The following SLC2A9 variants were observed in gnomAD, a reference collection of about 807,000 sequenced individuals.
SLC2A9 encodes solute carrier family 2 member 9, also known as solute carrier family 2, facilitated glucose transporter member 9.
A neutral mutation model predicts 50.6 loss-of-function variants in SLC2A9; 39 were observed. The observed-to-expected ratio is 0.77, with a 90% CI of 0.60 to 1.01. The LOEUF is 1.01. SLC2A9 is among the 50% of genes least tolerant of loss of function. The pLI, the probability that SLC2A9 is intolerant of heterozygous loss-of-function variation, is 0.00. For missense variants in SLC2A9, 686 were observed against 677.6 expected, an observed-to-expected ratio of 1.01 and a Z score of -0.14; for synonymous variants, 324 against 276.9, an observed-to-expected ratio of 1.17 and a Z score of -1.69.
intron 10 of SLC2A9, among the ~76,000 whole-genome samples, chr4:9,835,540 G>GATCT (rs1239585960): frequency 6.6e-6 from 1 of 152,254 alleles, no homozygotes; most frequent in Non-Finnish European, 1.5e-5. Flanking sequence ...AAACTCTAGA[G>GATCT]AGACAGTGAA....
chr4:9,812,497 T>A (rs1311812165), intron 3 of SLC2A9, among the ~76,000 whole-genome samples: 3 of 149,076 alleles, frequency 2.0e-5, no homozygotes, highest in African/African-American at 7.5e-5. Flanking sequence ...ATAAACATGT[T>A]TTTTTTTTTT....
intron 10 of SLC2A9, among the ~76,000 whole-genome samples, chr4:9,855,598 A>C (rs573222267): frequency 6.6e-6 from 1 of 152,330 alleles, no homozygotes; most frequent in South Asian, 2.1e-4. Context: ...CATCCTTCAC[A>C]GAATTAGAAA....
intron 3 of SLC2A9, among the ~76,000 whole-genome samples, chr4:9,803,869 G>A (rs1015914362): frequency 6.6e-6 from 1 of 152,102 alleles, no homozygotes; most frequent in Non-Finnish European, 1.5e-5. Context: ...ATGTGCTAGG[G>A]GATATGTTAG....
chr4:9,959,783 G>A (rs1751957189), intron 5 of SLC2A9, among the ~76,000 whole-genome samples: 1 of 152,152 alleles, frequency 6.6e-6, no homozygotes, highest in Admixed American at 6.5e-5. Context: ...GTTTTTGGTA[G>A]TGAATCCCTG....
At chr4:9,953,920 C>T (rs1364129945) in intron 5 of SLC2A9, among the ~76,000 whole-genome samples, 1 of 152,206 alleles carries the variant, frequency 6.6e-6, no homozygotes, top group African/African-American at 2.4e-5. Flanking sequence ...AGCAATTCTC[C>T]TGCCTCAGCC....
chr4:9,867,581 T>C (rs544194430), intron 10 of SLC2A9, among the ~76,000 whole-genome samples: 1 of 152,320 alleles, frequency 6.6e-6, no homozygotes, highest in African/African-American at 2.4e-5. Flanking sequence ...AAGATTTCTG[T>C]AGAGATAGAC....
At chr4:10,035,766 T>C (rs4525975) in intron 1 of SLC2A9, 135,154 of 152,194 alleles carry the variant, frequency 0.89, 60,303 homozygotes, top group East Asian at 0.98. Flanking sequence ...AAAAAAGGCA[T>C]TTCTTTTGTT....
chr4:9,962,640 T>C (rs1048278446), intron 5 of SLC2A9, among the ~76,000 whole-genome samples: 6 of 152,176 alleles, frequency 3.9e-5, no homozygotes, highest in South Asian at 2.1e-4. Flanking sequence ...AATGGGTCAA[T>C]AGGTGCAGCA....
At chr4:9,908,883 G>A (rs1185995893) in intron 7 of SLC2A9, among the ~76,000 whole-genome samples, 2 of 152,142 alleles carry the variant, frequency 1.3e-5, no homozygotes, top group Admixed American at 1.3e-4. Context: ...TCATCAAGGA[G>A]GTCTGCTTCC....
Position 9,782,632 on chromosome 4 carries a change from G to A in SLC2A9, n.386-2567C>T, listed in dbSNP as rs746077383. 8 of 1,614,000 alleles carry A rather than the reference G, an allele frequency of 5.0e-6. No homozygotes were observed. The Admixed American group carries it at 1.3e-4, about 27-fold the overall frequency. On this transcript the variant is annotated intron_variant and non_coding_transcript_variant, in intron 3 of 3. Coordinates refer to the SLC2A9 transcript ENST00000503803. ...TGCCAAACAACCTGGCCAACTGGAC[G>A]CCCTGGGAGGAGGACTTTTGGGAGC...
chr4:9,872,737 A>G (rs1733655308), intron 10 of SLC2A9, among the ~76,000 whole-genome samples: 1 of 152,246 alleles, frequency 6.6e-6, no homozygotes. Flanking sequence ...AACAAAAAAA[A>G]CATTCTACAG....
intron 10 of SLC2A9, chr4:9,879,863 TGG>T (rs1734915749): frequency 5.1e-6 from 5 of 985,326 alleles, no homozygotes; most frequent in Non-Finnish European, 6.0e-6. Context: ...GCCACTGCCT[TGG>T]GGTTATGCAC....
chr4:9,842,716 G>C (rs1285498357), intron 10 of SLC2A9, among the ~76,000 whole-genome samples: 1 of 152,184 alleles, frequency 6.6e-6, no homozygotes, highest in Non-Finnish European at 1.5e-5. Flanking sequence ...CTCAATATAT[G>C]TTGCCCAACA....
chr4:9,819,530 T>C (rs1724112435), intron 3 of SLC2A9, among the ~76,000 whole-genome samples: 1 of 152,268 alleles, frequency 6.6e-6, no homozygotes, highest in African/African-American at 2.4e-5. Flanking sequence ...TGTTGAGTTT[T>C]GAATGCTCTT....
At chr4:9,777,428 A>C (rs536499517), downstream of SLC2A9, among the ~76,000 whole-genome samples, 15 of 152,232 alleles carry the variant, frequency 9.9e-5, no homozygotes, top group African/African-American at 3.4e-4. Context: ...ACTCATTATA[A>C]AAACCCACCC....
intron 3 of SLC2A9, among the ~76,000 whole-genome samples, chr4:9,820,913 T>A (rs529824258): frequency 6.6e-6 from 1 of 152,344 alleles, no homozygotes; most frequent in South Asian, 2.1e-4. Flanking sequence ...TCTGTACACC[T>A]TTTATTTATT....
chr4:9,879,278 C>A (rs1054050829), intron 10 of SLC2A9: 1 of 985,178 alleles, frequency 1.0e-6, no homozygotes, highest in Non-Finnish European at 1.2e-6. Context: ...GATGAGAAGC[C>A]ACACCTCAAA....
chr4:9,828,412 G>A (rs28735365), intron 11 of SLC2A9, among the ~76,000 whole-genome samples: 23,084 of 152,034 alleles, frequency 0.15, 2,295 homozygotes, highest in African/African-American at 0.28. Flanking sequence ...GTTAAACAAA[G>A]GACAAAACTT....
chr4:9,984,851 C>A (rs532225382), intron 4 of SLC2A9, among the ~76,000 whole-genome samples: 7 of 152,304 alleles, frequency 4.6e-5, no homozygotes, highest in African/African-American at 1.7e-4. Flanking sequence ...TCATCTCAAC[C>A]CTCCCTGCAT....
Sources: allele counts gnomAD v4.1 joint callset (sites outside exome capture counted in the v4.1 genomes callset), GRCh38; gene constraint gnomAD v4.1.1; transcripts MANE v1.5; gene names NCBI Gene and HGNC (gene_info 2026-07-23, HGNC 2026-07-21).